Variants in PDZK1IP1 observed in about 807,000 individuals in gnomAD.
PDZK1IP1 encodes PDZK1-interacting protein 1.
In PDZK1IP1, 9 loss-of-function variants were observed where a neutral mutation model predicts 14.7. The ratio of observed to expected loss-of-function variants is 0.61; its 90% confidence interval spans 0.37 to 1.07. The LOEUF (loss-of-function observed/expected upper bound fraction) is 1.07, where lower values mean the gene tolerates loss of function less well. Among genes scored for constraint, PDZK1IP1 ranks in the 50% least tolerant of loss-of-function variants. The pLI, the probability that PDZK1IP1 is intolerant of heterozygous loss-of-function variation, is 0.01. For missense variants in PDZK1IP1, 152 were observed against 148.7 expected, an observed-to-expected ratio of 1.02 and a Z score of -0.11; for synonymous variants, 70 against 61.2, an observed-to-expected ratio of 1.14 and a Z score of -0.67.
intron 2 of PDZK1IP1, among the ~76,000 whole-genome samples, chr1:47,185,602 C>T (rs190314886): frequency 2.6e-5 from 4 of 152,142 alleles, no homozygotes; most frequent in African/African-American, 4.8e-5. Context: ...TACAGGGACC[C>T]GAACACCTGC....
At chr1:47,184,977 C>T (rs376226462) in intron 3 of PDZK1IP1, 25 bp downstream of exon 3, 35 of 1,570,998 alleles carry the variant, frequency 2.2e-5, no homozygotes, top group Non-Finnish European at 3.1e-5. Flanking sequence ...GAGCACAGAC[C>T]GGGCAGCCCT....
In PDZK1IP1 at chr1:47,183,738, G is replaced by A; in HGVS notation, c.*233C>T. Reference sequence around the variant, plus strand: ...CTCAGCTGACTGTCCTCTCCAGAAGGCTCTTCTGAGCTGAGCAGGAGACCC... The same window carrying A: ...CTCAGCTGACTGTCCTCTCCAGAAGACTCTTCTGAGCTGAGCAGGAGACCC... On this transcript the variant is annotated 3_prime_UTR_variant, in exon 4 of 4. Transcript: ENST00000294338. 1.7e-6 allele frequency: 1 copy of A among 578,626 alleles called. No individual in the cohort carries two copies. The highest frequency in any genetic ancestry group is 3.1e-6 in the Non-Finnish European group (1 of 324,546). The allele number at this position is 578,626 out of a possible 1,614,324, so 35.8% of individuals were successfully genotyped here.
chr1:47,186,671 G>A (rs1645321848), intron 2 of PDZK1IP1, among the ~76,000 whole-genome samples: 1 of 152,148 alleles, frequency 6.6e-6, no homozygotes, highest in Admixed American at 6.5e-5. Context: ...CTGGTGCCGT[G>A]CCCCTAACTC....
chr1:47,187,455 A>G, intron 1 of PDZK1IP1, 28 bp from the exon 2 acceptor site: 1 of 1,571,278 alleles, frequency 6.4e-7, no homozygotes, highest in Admixed American at 1.7e-5. Context: ...GCTGTAGCAG[A>G]CGGGGCCACA....
chr1:47,189,183 C>T (rs1002578627), intron 1 of PDZK1IP1, among the ~76,000 whole-genome samples: 1 of 152,172 alleles, frequency 6.6e-6, no homozygotes, highest in African/African-American at 2.4e-5. Context: ...GCATCTTTGC[C>T]AGTCCCCTCT....
chr1:47,185,697 T>A (rs72894595), intron 2 of PDZK1IP1, among the ~76,000 whole-genome samples: 8,379 of 152,114 alleles, frequency 0.055, 778 homozygotes, highest in African/African-American at 0.19. Flanking sequence ...CTGCTCATCC[T>A]CCTGTGTTCT....
rs1035360367 is a variant in PDZK1IP1, at chr1:47,189,992, G to A, written c.-60C>T. ...CGGTGTCTGGGCTCCTGGAGCTGCT[G>A]TGGAGTCTATTGGTGTCCGCCTGAA... On this transcript the variant is annotated 5_prime_UTR_variant, in exon 1 of 4. Transcript: ENST00000294338. 4 of 1,383,310 alleles carry A rather than the reference G, an allele frequency of 2.9e-6. No individual in the cohort carries two copies. The East Asian group carries it at 7.3e-5, about 25-fold the overall frequency. The allele number at this position is 1,383,310 out of a possible 1,614,324, so 85.7% of individuals were successfully genotyped here. A position where few individuals can be genotyped will look rare whatever the true frequency, so the allele number is the denominator to read the frequency against.
At chr1:47,185,143 C>A (rs768644135) in intron 2 of PDZK1IP1, 46 bp from the exon 3 acceptor site, 1 of 1,428,934 alleles carries the variant, frequency 7.0e-7, no homozygotes, top group Admixed American at 1.7e-5. Flanking sequence ...GGGCCCCCCT[C>A]GTCCAAGCAG....
intron 3 of PDZK1IP1, 89 bp from the exon 4 acceptor site, chr1:47,184,132 T>C: frequency 1.0e-6 from 1 of 993,768 alleles, no homozygotes; most frequent in African/African-American, 1.6e-5. Flanking sequence ...GTGACAGTAA[T>C]AGCTTCCAGA....
At chr1:47,187,457 G>A (rs763547123) in intron 1 of PDZK1IP1, 30 bp from the exon 2 acceptor site, 24 of 1,563,430 alleles carry the variant, frequency 1.5e-5, no homozygotes, top group South Asian at 2.2e-5. Flanking sequence ...TGTAGCAGAC[G>A]GGGCCACAGT....
intron 1 of PDZK1IP1, 68 bp downstream of exon 1, chr1:47,189,798 G>A: frequency 8.2e-7 from 1 of 1,215,992 alleles, no homozygotes; most frequent in Non-Finnish European, 1.1e-6. Flanking sequence ...AGGCCCTGGG[G>A]AGGGGAGCCA....
intron 1 of PDZK1IP1, among the ~76,000 whole-genome samples, chr1:47,188,873 A>G (rs1285558226): frequency 1.3e-5 from 2 of 152,144 alleles, no homozygotes; most frequent in Non-Finnish European, 2.9e-5. Flanking sequence ...TGGTTGCTCA[A>G]GCATGGGGAG....
chr1:47,184,755 T>A (rs1057185024), intron 3 of PDZK1IP1, among the ~76,000 whole-genome samples: 15 of 150,386 alleles, frequency 1.0e-4, no homozygotes, highest in African/African-American at 3.7e-4. Flanking sequence ...CACTGCCCTA[T>A]GAGTCCCCTC....
Position 47,187,545 on chromosome 1 carries a change from C to T in PDZK1IP1, c.68-118G>A, listed in dbSNP as rs111462424. On this transcript the variant is annotated intron_variant, in intron 1 of 3. Coordinates refer to ENST00000294338, the MANE Select transcript of PDZK1IP1 (RefSeq NM_005764.4). ...ATGCTGAAGGCCCTCAGCCAGCTGC[C>T]AGGAGCAAGGAGACATTGTGGGGAG... The T allele has an allele frequency of 1.9e-3, 1,438 of 764,032 alleles. 11 individuals are homozygous for T. The African/African-American group carries it at 0.022, about 12-fold the overall frequency. The allele number at this position is 764,032 out of a possible 1,614,324, so 47.3% of individuals were successfully genotyped here. A position where few individuals can be genotyped will look rare whatever the true frequency, so the allele number is the denominator to read the frequency against.
rs1158400204 is a variant in PDZK1IP1, at chr1:47,183,736, A to G, written c.*235T>C. On this transcript the variant is annotated 3_prime_UTR_variant, in exon 4 of 4. Transcript: ENST00000294338. ...TGCTCAGCTGACTGTCCTCTCCAGA[A>G]GGCTCTTCTGAGCTGAGCAGGAGAC... The G allele has an allele frequency of 1.7e-6, 1 of 578,792 alleles. No homozygotes were observed. Among genetic ancestry groups the G allele is most frequent in the Non-Finnish European group, 3.1e-6 (1 of 324,790 alleles). The allele number at this position is 578,792 out of a possible 1,614,324, so 35.9% of individuals were successfully genotyped here.
intron 2 of PDZK1IP1, among the ~76,000 whole-genome samples, chr1:47,186,147 A>C (rs1231918963): frequency 2.6e-5 from 4 of 151,998 alleles, no homozygotes; most frequent in African/African-American, 9.7e-5. Context: ...GTCTCTACTA[A>C]AAATACAAAA....
At chr1:47,184,564 T>C (rs968376394) in intron 3 of PDZK1IP1, among the ~76,000 whole-genome samples, 58 of 1,954 alleles carry the variant, frequency 0.03, no homozygotes, top group Non-Finnish European at 0.034. Flanking sequence ...CCCCACTGAG[T>C]CCATACCCCA....
In PDZK1IP1 at chr1:47,186,330, A is replaced by G. The variant is rs528499818; in HGVS notation, c.176+989T>C. Among the ~76,000 whole-genome samples the G allele has an allele frequency of 9.2e-5, 14 of 152,248 alleles. No individual in the cohort carries two copies. The East Asian group carries it at 2.5e-3, about 27-fold the overall frequency. On this transcript the variant is annotated intron_variant, in intron 2 of 3. Transcript: ENST00000294338. The stretch of plus-strand genomic sequence containing the variant: ...TCTCCAAAAAAAAAGAAAAAAAAAA[A>G]AAACTTGTCACTGGATTCCTGCTCA...
intron 1 of PDZK1IP1, 60 bp downstream of exon 1, chr1:47,189,806 C>A: frequency 7.5e-7 from 1 of 1,333,460 alleles, no homozygotes. Context: ...GGGAGGGGAG[C>A]CAGAACACCA....
Sources: gnomAD v4.1 joint callset for allele counts (sites outside exome capture counted in the v4.1 genomes callset) on GRCh38, gnomAD v4.1.1 for gene constraint, MANE v1.5 for transcripts, NCBI Gene and HGNC (gene_info 2026-07-23, HGNC 2026-07-21) for gene names.